Variants in C5AR2 observed in about 807,000 individuals in gnomAD.
C5AR2 encodes the protein C5a anaphylatoxin chemotactic receptor 2.
For missense variants in C5AR2, 458 were observed against 467.5 expected, an observed-to-expected ratio of 0.98 and a Z score of 0.19; for synonymous variants, 224 against 216.5, an observed-to-expected ratio of 1.03 and a Z score of -0.30.
chr19:47,336,565 T>A (rs995911174), intron 1 of C5AR2, among the ~76,000 whole-genome samples: 4 of 151,824 alleles, frequency 2.6e-5, no homozygotes, highest in Non-Finnish European at 4.4e-5. Flanking sequence ...TGGAGTGCAG[T>A]GGCGCGATCA....
rs1328365332 is a variant in C5AR2, at chr19:47,341,560, TG to T, written c.763del (p.Val255CysfsTer57). ...VCWAPYHLLGLVLTVAAPNSA... is the reference protein window; with the variant it reads ...VCWAPYHLLGXVLTVAAPNSA... The stretch of plus-strand genomic sequence containing the variant: ...TGGGCACCCTACCACCTGCTGGGGC[TG>T]GTGCTCACTGTGGCGGCCCCGAACT... On this transcript the variant is annotated frameshift_variant, in exon 2 of 2. Coordinates refer to ENST00000595464, the MANE Select transcript of C5AR2 (RefSeq NM_001271749.2). LOFTEE classifies it low-confidence loss of function (END_TRUNC). This position sits in a 1 kb window ranked among gnomAD's most constrained non-coding sequence, Gnocchi z 4.6. 6.2e-7 allele frequency: 1 copy of T among 1,613,478 alleles called. No individual in the cohort carries two copies. The highest frequency in any genetic ancestry group is 2.2e-5 in the East Asian group (1 of 44,876).
intron 1 of C5AR2, among the ~76,000 whole-genome samples, chr19:47,335,330 A>AGATAT (rs1418288388): frequency 6.6e-6 from 1 of 152,140 alleles, no homozygotes; most frequent in Non-Finnish European, 1.5e-5. Flanking sequence ...ACAGGAAAAC[A>AGATAT]GATATCGGGC....
chr19:47,336,760 C>T (rs1401744316), intron 1 of C5AR2, among the ~76,000 whole-genome samples: 2 of 152,002 alleles, frequency 1.3e-5, no homozygotes, highest in African/African-American at 2.4e-5. Flanking sequence ...CCTTCCTCCT[C>T]AACTCAGCCT....
At chr19:47,338,813 G>T (rs908990741) in intron 1 of C5AR2, among the ~76,000 whole-genome samples, 3 of 151,418 alleles carry the variant, frequency 2.0e-5, no homozygotes, top group Non-Finnish European at 4.4e-5. Context: ...GTCCAGTCTG[G>T]GCTACAGAGC....
Position 47,340,725 on chromosome 19 carries a change from G to A in C5AR2, c.-15-60G>A. On this transcript the variant is annotated intron_variant, in intron 1 of 1. Coordinates refer to ENST00000595464, the MANE Select transcript of C5AR2 (RefSeq NM_001271749.2). ...GTGGGCCGGGCTGATGGACACCCTA[G>A]ATCTCCAGGGCCATGGAGTTTCCTC... 2.0e-6 allele frequency: 3 copies of A among 1,531,678 alleles called. No individual in the cohort carries two copies. The South Asian group carries it at 3.4e-5, about 17-fold the overall frequency. The allele number at this position is 1,531,678 out of a possible 1,614,324, so 94.9% of individuals were successfully genotyped here.
chr19:47,333,735 C>T lies in C5AR2; in HGVS notation c.-16+1386C>T, dbSNP rs371167234. Reference sequence around the variant, plus strand: ...CTGGGACTACAGGCGCCCGCCACCGCGCCCAGCTAATTTTTTGTATTTTTT... The same window carrying T: ...CTGGGACTACAGGCGCCCGCCACCGTGCCCAGCTAATTTTTTGTATTTTTT... On this transcript the variant is annotated intron_variant, in intron 1 of 1. Transcript: ENST00000595464. 3.8e-3 allele frequency among the ~76,000 whole-genome samples: 582 copies of T among 152,040 alleles called. 3 individuals are homozygous for T. Among genetic ancestry groups the T allele is most frequent in the African/African-American group, 0.013 (545 of 41,460 alleles).
At chr19:47,337,887 A>G (rs1030894112) in intron 1 of C5AR2, among the ~76,000 whole-genome samples, 2 of 151,818 alleles carry the variant, frequency 1.3e-5, no homozygotes, top group African/African-American at 4.8e-5. Flanking sequence ...CCTGACCAAC[A>G]TGGTGAAACC....
At chr19:47,338,059 A>C (rs1222432534) in intron 1 of C5AR2, among the ~76,000 whole-genome samples, 1 of 151,760 alleles carries the variant, frequency 6.6e-6, no homozygotes, top group African/African-American at 2.4e-5. Context: ...TGGGTAGCAG[A>C]GTGAGACTCC....
rs745667749 is a variant in C5AR2, at chr19:47,341,829, T to A, written c.*16T>A. 1.2e-5 allele frequency: 20 copies of A among 1,609,338 alleles called. No homozygotes were observed. The African/African-American group carries it at 1.3e-4, about 11-fold the overall frequency. On this transcript the variant is annotated 3_prime_UTR_variant, in exon 2 of 2. Coordinates refer to ENST00000595464, the MANE Select transcript of C5AR2 (RefSeq NM_001271749.2). The surrounding 1 kb of genome is among the most constrained non-coding windows in gnomAD (Gnocchi z 4.6). ...GGAGGTGTAGGCTGGAGAGACATTG[T>A]GGGTGTGTATCTTCTTATCTCATTT...
In C5AR2 at chr19:47,340,713, A is replaced by T. The variant is rs1968998319; in HGVS notation, c.-15-72A>T. ...TGCAAGGTGCTGGTGGGCCGGGCTG[A>T]TGGACACCCTAGATCTCCAGGGCCA... On this transcript the variant is annotated intron_variant, in intron 1 of 1. Coordinates refer to ENST00000595464, the MANE Select transcript of C5AR2 (RefSeq NM_001271749.2). The T allele has an allele frequency of 4.2e-6, 6 of 1,434,376 alleles. No individual in the cohort carries two copies. The East Asian group carries it at 1.4e-4, about 33-fold the overall frequency. 88.9% of individuals were successfully genotyped at this position (1,434,376 alleles called of 1,614,324 possible).
At position 47,332,214 on chromosome 19, in the gene C5AR2, A is replaced by G. The variant is rs1276976122; in HGVS notation, c.-151A>G. 1 of 152,282 alleles carries G rather than the reference A, an allele frequency of 6.6e-6. No homozygotes were observed. The highest frequency in any genetic ancestry group is 2.4e-5 in the African/African-American group (1 of 41,438). The allele number at this position is 152,282 out of a possible 1,614,324, so 9.4% of individuals were successfully genotyped here. Reference sequence around the variant, plus strand: ...GCATCCGACAGGAGCCCTGGCAAACAGGACGGATTTCCAGGACTCTACCAG... The same window carrying G: ...GCATCCGACAGGAGCCCTGGCAAACGGGACGGATTTCCAGGACTCTACCAG... On this transcript the variant is annotated 5_prime_UTR_variant, in exon 1 of 2. Transcript: ENST00000595464.
rs1308857138 is a variant in C5AR2, at chr19:47,341,704, C to T, written c.905C>T (p.Ser302Leu). The change falls in exon 2 of 2, where the codon TCA (serine) becomes TTA (leucine). Residue 302 changes from serine (S) to leucine (L), a missense_variant. By Grantham distance (145) the Ser-to-Leu change is moderately radical (BLOSUM62 -2). Coordinates refer to ENST00000595464, the MANE Select transcript of C5AR2 (RefSeq NM_001271749.2). The surrounding 1 kb of genome is among the most constrained non-coding windows in gnomAD (Gnocchi z 4.6). ...TTTGGGAGGGCTCAACTCCGCCGGT[C>T]ACTGCCAGCTGCCTGTCACTGGGCC... The part of the protein sequence containing the change: ...LYFGRAQLRR[S>L]LPAACHWALR... 4.3e-6 allele frequency: 7 copies of T among 1,614,046 alleles called. No homozygotes were observed. The East Asian group carries it at 1.3e-4, about 31-fold the overall frequency.
In C5AR2 at chr19:47,344,764, TTTTAA is replaced by T. The variant is rs1029655026; in HGVS notation, c.*2965_*2969del. The T allele has an allele frequency of 1.4e-4, 22 of 152,178 alleles. No homozygotes were observed. The highest frequency in any genetic ancestry group is 4.6e-4 in the African/African-American group (19 of 41,528). The allele number at this position is 152,178 out of a possible 1,614,324, so 9.4% of individuals were successfully genotyped here. A position where few individuals can be genotyped will look rare whatever the true frequency, so the allele number is the denominator to read the frequency against. On this transcript the variant is annotated 3_prime_UTR_variant, in exon 2 of 2. Coordinates refer to ENST00000595464, the MANE Select transcript of C5AR2 (RefSeq NM_001271749.2). Reference sequence around the variant, plus strand: ...CAAGGGTAACAACTGGACTAATTTTTTTTAATTTAATTTAATTTTATTTTTTTGAG... The same window carrying T: ...CAAGGGTAACAACTGGACTAATTTTTTTTAATTTAATTTTATTTTTTTGAG...
At chr19:47,334,128 C>T (rs978505909) in intron 1 of C5AR2, among the ~76,000 whole-genome samples, 2 of 152,170 alleles carry the variant, frequency 1.3e-5, no homozygotes, top group East Asian at 3.9e-4. Context: ...GCACCCGAGG[C>T]TGGAAGGAGC....
chr19:47,341,489 C>T lies in C5AR2; in HGVS notation c.690C>T (p.Arg230=), dbSNP rs138136115. The T allele has an allele frequency of 1.9e-4, 310 of 1,611,764 alleles. 1 individual carries two copies. The African/African-American group carries it at 3.7e-3, about 19-fold the overall frequency. ...HSALLCWAAR[R]CRPLGTAIVV... ...CCCTCCTGTGCTGGGCAGCCCGACG[C>T]TGCCGGCCGCTGGGCACAGCCATTG... Residue 230 remains arginine (R), a synonymous_variant, in exon 2 of 2, where the codon CGC becomes CGT. Coordinates refer to ENST00000595464, the MANE Select transcript of C5AR2 (RefSeq NM_001271749.2). The surrounding 1 kb of genome is among the most constrained non-coding windows in gnomAD (Gnocchi z 4.6).
At chr19:47,337,183 A>C (rs2059361513) in intron 1 of C5AR2, 1 of 152,272 alleles carries the variant, frequency 6.6e-6, no homozygotes, top group Admixed American at 6.6e-5. Context: ...GGTTCACCTC[A>C]ATGACTCTTG....
chr19:47,335,159 C>T (rs4254415), intron 1 of C5AR2, among the ~76,000 whole-genome samples: 149,252 of 151,886 alleles, frequency 0.98, 73,347 homozygotes, highest in East Asian at 1. Context: ...ACTCCCAAAG[C>T]GTTGGGATTA....
In C5AR2 at chr19:47,340,809, G is replaced by A. The variant is rs776013096; in HGVS notation, c.10G>A (p.Asp4Asn). Residue 4 changes from aspartate (D) to asparagine (N), a missense_variant, in exon 2 of 2, where the codon GAT (aspartate) becomes AAT (asparagine). Coordinates refer to ENST00000595464, the MANE Select transcript of C5AR2 (RefSeq NM_001271749.2). MGN[D>N]SVSYEYGDYS... ...GACACCAGGAGCCTGAATGGGGAAC[G>A]ATTCTGTCAGCTACGAGTATGGGGA... The A allele has an allele frequency of 3.1e-6, 5 of 1,613,426 alleles. No individual in the cohort carries two copies. The South Asian group carries it at 4.4e-5, about 14-fold the overall frequency.
chr19:47,341,455 G>T lies in C5AR2; in HGVS notation c.656G>T (p.Cys219Phe), dbSNP rs1327745200. The T allele has an allele frequency of 1.2e-6, 2 of 1,611,848 alleles. No individual in the cohort carries two copies. The highest frequency in any genetic ancestry group is 8.5e-7 in the Non-Finnish European group (1 of 1,179,900). ...FLGPLVAVAS[C>F]HSALLCWAAR... ...GGGCCCCTGGTGGCCGTGGCCAGCTGCCACAGTGCCCTCCTGTGCTGGGCA... is the reference window on the plus strand; with the variant it reads ...GGGCCCCTGGTGGCCGTGGCCAGCTTCCACAGTGCCCTCCTGTGCTGGGCA... The change falls in exon 2 of 2, where the codon TGC becomes TTC. Residue 219 changes from cysteine (C) to phenylalanine (F), a missense_variant. Coordinates refer to ENST00000595464, the MANE Select transcript of C5AR2 (RefSeq NM_001271749.2). This position sits in a 1 kb window ranked among gnomAD's most constrained non-coding sequence, Gnocchi z 4.6.
Sources: gnomAD v4.1 joint callset for allele counts (sites outside exome capture counted in the v4.1 genomes callset) on GRCh38, gnomAD v4.1.1 for gene constraint, Gnocchi (gnomAD v3.1) non-coding constraint, MANE v1.5 for transcripts, NCBI Gene and HGNC (gene_info 2026-07-23, HGNC 2026-07-21) for gene names.